The following PDK1 variants were observed in gnomAD, a reference collection of about 807,000 sequenced individuals.
The protein encoded by PDK1 is pyruvate dehydrogenase kinase 1.
In PDK1, 39 loss-of-function variants were observed where a neutral mutation model predicts 54.2. The observed-to-expected ratio is 0.72, with a 90% CI of 0.56 to 0.94. The LOEUF is 0.94. PDK1 is among the 40% of genes least tolerant of loss of function. The pLI is 0.00. For synonymous variants in PDK1, 221 were observed against 207.1 expected, an observed-to-expected ratio of 1.07 and a Z score of -0.58; for missense variants, 552 against 566.0, an observed-to-expected ratio of 0.98 and a Z score of 0.25.
chr2:172,556,040 C>A (rs1393433003), upstream of PDK1: 4 of 780,476 alleles, frequency 5.1e-6, no homozygotes, highest in Non-Finnish European at 7.2e-6. Flanking sequence ...GGGGCCGCGC[C>A]GGTGACAGCC....
chr2:172,567,325 G>A (rs1689012985), intron 6 of PDK1, among the ~76,000 whole-genome samples: 1 of 152,156 alleles, frequency 6.6e-6, no homozygotes, highest in Non-Finnish European at 1.5e-5. Context: ...GACATAGACT[G>A]GGGTTATAAA....
the PDK1 span, among the ~76,000 whole-genome samples, chr2:172,671,378 A>G: frequency 5.3e-5 from 8 of 151,468 alleles, no homozygotes; most frequent in South Asian, 8.3e-4. Flanking sequence ...TAATATATAT[A>G]TCATTCAAAG....
the PDK1 span, among the ~76,000 whole-genome samples, chr2:172,648,893 T>G: frequency 4.4e-4 from 67 of 152,310 alleles, no homozygotes; most frequent in Non-Finnish European, 7.9e-4. Flanking sequence ...CTCTGTAGAC[T>G]CCACCTCTGG....
In PDK1 at chr2:172,586,298, C is replaced by T. The variant is rs571186963; in HGVS notation, c.966C>T (p.Gly322=). ...LTVKMSDRGG[G]VPLRKIDRLF... is the part of the protein sequence containing the mutation. ...CTTAGATGAGTGACCGAGGAGGTGG[C>T]GTTCCTTTGAGGAAAATTGACAGAC... Residue 322 remains glycine, a synonymous_variant, in exon 9 of 11, where the codon GGC becomes GGT. Transcript: ENST00000282077. 65 of 1,611,372 alleles carry T rather than the reference C, an allele frequency of 4.0e-5. No homozygotes were observed. In the South Asian group the frequency reaches 6.5e-4, roughly 16 times the overall value.
chr2:172,567,945 G>T (rs1345208066), intron 6 of PDK1, among the ~76,000 whole-genome samples: 2 of 152,228 alleles, frequency 1.3e-5, no homozygotes, highest in African/African-American at 4.8e-5. Flanking sequence ...TCGAGAAATT[G>T]ATGCTAGCTC....
chr2:172,555,940 G>T (rs1416232178), upstream of PDK1: 3 of 382,670 alleles, frequency 7.8e-6, no homozygotes, highest in Middle Eastern at 6.8e-4. Flanking sequence ...GGCGGGCCCC[G>T]CAAGCGCCCG....
At chr2:172,618,292 G>C in the PDK1 span, among the ~76,000 whole-genome samples, 1 of 152,074 alleles carries the variant, frequency 6.6e-6, no homozygotes, top group African/African-American at 2.4e-5. Context: ...GATTGAAAAA[G>C]AAAAGTTAAA....
the PDK1 span, among the ~76,000 whole-genome samples, chr2:172,655,909 G>A: frequency 4.6e-5 from 7 of 152,320 alleles, no homozygotes; most frequent in East Asian, 9.6e-4. Context: ...GTAAAGAAGT[G>A]ACTTTGGCTT....
rs1688314658 is a variant in PDK1 at position 172,556,262 on chromosome 2, T to C, written c.112T>C (p.Ser38Pro). The change falls in exon 1 of 11, where the codon TCC becomes CCC. Residue 38 changes from serine to proline, a missense_variant. Ser to Pro is a moderately conservative substitution (Grantham distance 74). Transcript: ENST00000282077. ...CTCGGACTCGGGCTCCAGCCCGGCG[T>C]CCGAGCGCGGCGTTCCGGGCCAGGT... ...FSSDSGSSPA[S>P]ERGVPGQVDF... is the part of the protein sequence containing the mutation. 6.7e-7 allele frequency: 1 copy of C among 1,484,504 alleles called. No homozygotes were observed. Among genetic ancestry groups the C allele is most frequent in the Non-Finnish European group, 8.9e-7 (1 of 1,123,838 alleles). The allele number at this position is 1,484,504 out of a possible 1,614,324, so 92.0% of individuals were successfully genotyped here.
intron 3 of PDK1, 36 bp downstream of exon 3, chr2:172,562,327 T>C (rs1357736154): frequency 8.2e-7 from 1 of 1,226,060 alleles, no homozygotes; most frequent in Middle Eastern, 1.9e-4. Flanking sequence ...CTTAAACCTA[T>C]TATTAGGTCA....
In PDK1 at chr2:172,599,633, A is replaced by G. The variant is rs1412604724; in HGVS notation, c.*3664A>G. ...TAATACTGTGTGAAGAATTTTTTGC[A>G]TGTTAAAAAAAGCAAACCACTAGTT... On this transcript the variant is annotated 3_prime_UTR_variant, in exon 11 of 11. Coordinates refer to ENST00000282077, the MANE Select transcript of PDK1 (RefSeq NM_002610.5). 6 of 152,152 alleles carry G rather than the reference A, an allele frequency of 3.9e-5. No homozygotes were observed. Among genetic ancestry groups the G allele is most frequent in the African/African-American group, 1.4e-4 (6 of 41,438 alleles). 9.4% of individuals were successfully genotyped at this position (152,152 alleles called of 1,614,324 possible). A position where few individuals can be genotyped will look rare whatever the true frequency, so the allele number is the denominator to read the frequency against.
the PDK1 span, among the ~76,000 whole-genome samples, chr2:172,672,325 T>C: frequency 2.0e-5 from 3 of 152,232 alleles, no homozygotes; most frequent in Admixed American, 6.5e-5. Flanking sequence ...TTTTTATCCA[T>C]GAATCACCAG....
chr2:172,618,132 T>C, the PDK1 span, among the ~76,000 whole-genome samples: 1 of 152,168 alleles, frequency 6.6e-6, no homozygotes, highest in Non-Finnish European at 1.5e-5. Context: ...AGTCTGCATA[T>C]AAAATAAAAG....
At chr2:172,690,171 G>T in the PDK1 span, among the ~76,000 whole-genome samples, 21 of 149,828 alleles carry the variant, frequency 1.4e-4, no homozygotes, top group African/African-American at 5.1e-4. Context: ...ACAAACAACC[G>T]CATCAAAAAG....
At chr2:172,570,551 TC>T in intron 7 of PDK1, 174 bp from the exon 8 acceptor site, 2 of 466,700 alleles carry the variant, frequency 4.3e-6, no homozygotes, top group Non-Finnish European at 7.5e-6. Flanking sequence ...ATCCTTCAAA[TC>T]CCCCCCAAAT....
Position 172,596,028 on chromosome 2 carries a change from G to A in PDK1, c.*59G>A, listed in dbSNP as rs2149303539. 1 of 1,472,430 alleles carries A rather than the reference G, an allele frequency of 6.8e-7. No individual in the cohort carries two copies. The highest frequency in any genetic ancestry group is 2.4e-5 in the East Asian group (1 of 41,134). 91.2% of individuals were successfully genotyped at this position (1,472,430 alleles called of 1,614,324 possible). On this transcript the variant is annotated 3_prime_UTR_variant, in exon 11 of 11. Coordinates refer to ENST00000282077, the MANE Select transcript of PDK1 (RefSeq NM_002610.5). ...CTTTTGTATTAAATTTGGAAGGTATGGTGTTCAGAACTATATTATACCAAG... is the reference window on the plus strand; with the variant it reads ...CTTTTGTATTAAATTTGGAAGGTATAGTGTTCAGAACTATATTATACCAAG...
chr2:172,637,672 CATCAATAG>C, the PDK1 span, among the ~76,000 whole-genome samples: 1 of 152,064 alleles, frequency 6.6e-6, no homozygotes, highest in Non-Finnish European at 1.5e-5. Context: ...TCTACTTCTA[CATCAATAG>C]GCTGCATTTA....
intron 4 of PDK1, 64 bp from the exon 5 acceptor site, chr2:172,564,914 C>A: frequency 1.8e-6 from 2 of 1,120,100 alleles, no homozygotes; most frequent in Non-Finnish European, 2.7e-6. Flanking sequence ...AAACAGTATT[C>A]AGATTTGGAA....
At chr2:172,646,438 GT>G in the PDK1 span, among the ~76,000 whole-genome samples, 1 of 151,928 alleles carries the variant, frequency 6.6e-6, no homozygotes, top group Non-Finnish European at 1.5e-5. Context: ...GTTTGGAACT[GT>G]TTGGATGATA....
Sources: gnomAD v4.1 joint callset for allele counts (sites outside exome capture counted in the v4.1 genomes callset) on GRCh38, gnomAD v4.1.1 for gene constraint, MANE v1.5 for transcripts, NCBI Gene and HGNC (gene_info 2026-07-23, HGNC 2026-07-21) for gene names.